Variants in RNF128 observed in about 807,000 individuals in gnomAD.
RNF128 encodes E3 ubiquitin-protein ligase RNF128.
RNF128 carries 13 observed loss-of-function variants against 26.2 expected under a neutral mutation model. The ratio of observed to expected loss-of-function variants is 0.50; its 90% CI spans 0.32 to 0.79. The LOEUF is 0.79. RNF128 is among the 30% of genes least tolerant of loss of function. The probability of loss-of-function intolerance (pLI) is 0.03; values close to 1 mark genes in which losing one functional copy is unlikely to be tolerated. For synonymous variants in RNF128, 149 were observed against 142.5 expected (o/e 1.05, Z -0.32); for missense variants, 315 against 349.7 (o/e 0.90, Z 0.79).
chrX:106,750,892 G>T (rs983334573), intron 1 of RNF128, among the ~76,000 whole-genome samples: 1 of 111,827 alleles, frequency 8.9e-6, no homozygotes, highest in African/African-American at 3.2e-5. Context: ...TTTATGACAA[G>T]AGTGAAAAAT....
intron 1 of RNF128, among the ~76,000 whole-genome samples, chrX:106,741,151 C>A (rs886452865): frequency 1.3e-4 from 14 of 111,931 alleles, no homozygotes; most frequent in Non-Finnish European, 1.3e-4. Context: ...CCCTATTTAT[C>A]AATATAATAA....
chrX:106,777,596 G>A (rs1196754183), intron 2 of RNF128, among the ~76,000 whole-genome samples: 1 of 111,956 alleles, frequency 8.9e-6, no homozygotes, highest in Admixed American at 9.5e-5. Context: ...AGGCAGCAAG[G>A]CCAATATATC....
chrX:106,779,820 T>A (rs1472902983), intron 2 of RNF128, among the ~76,000 whole-genome samples: 1 of 111,145 alleles, frequency 9.0e-6, no homozygotes, highest in Non-Finnish European at 1.9e-5. Flanking sequence ...GTAGGAATAT[T>A]TTCACTCAAA....
intron 2 of RNF128, among the ~76,000 whole-genome samples, chrX:106,780,074 C>A (rs1242286728): frequency 1.8e-5 from 2 of 111,029 alleles, no homozygotes; most frequent in Non-Finnish European, 3.8e-5. Flanking sequence ...TATCTCTCTC[C>A]TTTCTTGCTT....
In RNF128 at chrX:106,796,953, T is replaced by G. The variant is rs928339184; in HGVS notation, c.*1240T>G. ...TAAATATGTCCCAATTTGTATTGAT[T>G]CTCTTTAAATATAAAATGTAAATAA... On this transcript the variant is annotated 3_prime_UTR_variant, in exon 7 of 7. Transcript: ENST00000255499. 1 of 112,464 alleles carries G rather than the reference T, an allele frequency of 8.9e-6. No homozygotes were observed. The highest frequency in any genetic ancestry group is 3.2e-5 in the African/African-American group (1 of 30,887). 9.3% of individuals were successfully genotyped at this position (112,464 alleles called of 1,213,427 possible).
At chrX:106,758,867 A>G (rs1356678186) in intron 1 of RNF128, among the ~76,000 whole-genome samples, 1 of 111,513 alleles carries the variant, frequency 9.0e-6, no homozygotes, top group Non-Finnish European at 1.9e-5. Flanking sequence ...AGGACATTGG[A>G]CTGAGCACAG....
Position 106,726,767 on chromosome X carries a change from T to A in RNF128, c.-147T>A. ...CGGCAACCTGTGTGCTGACGCTACGTGCCTCCTGGCTCCGACGTAGCTCGC... is the reference window on the plus strand; with the variant it reads ...CGGCAACCTGTGTGCTGACGCTACGAGCCTCCTGGCTCCGACGTAGCTCGC... On this transcript the variant is annotated 5_prime_UTR_variant, in exon 1 of 7. Transcript: ENST00000255499. 13 of 1,066,899 alleles carry A rather than the reference T, an allele frequency of 1.2e-5. No homozygotes were observed. The highest frequency in any genetic ancestry group is 1.6e-5 in the Non-Finnish European group (13 of 831,725). The allele number at this position is 1,066,899 out of a possible 1,213,427, so 87.9% of individuals were successfully genotyped here.
chrX:106,736,495 G>T (rs191377417), intron 1 of RNF128, among the ~76,000 whole-genome samples: 7 of 111,153 alleles, frequency 6.3e-5, no homozygotes, highest in African/African-American at 2.3e-4. Context: ...AAAATTTTGT[G>T]CTTCCTTCTA....
chrX:106,746,295 A>C (rs952680789), intron 1 of RNF128, among the ~76,000 whole-genome samples: 32 of 111,015 alleles, frequency 2.9e-4, no homozygotes, highest in Middle Eastern at 4.6e-3. Flanking sequence ...TGTATTTTGT[A>C]TTTCAATGCC....
At chrX:106,744,351 A>T (rs1036846404) in intron 1 of RNF128, among the ~76,000 whole-genome samples, 2 of 112,008 alleles carry the variant, frequency 1.8e-5, no homozygotes, top group Non-Finnish European at 3.8e-5. Flanking sequence ...ATTACATCTG[A>T]TATTACAGGT....
intron 2 of RNF128, among the ~76,000 whole-genome samples, chrX:106,783,423 T>C (rs367708254): frequency 2.7e-5 from 3 of 111,467 alleles, no homozygotes; most frequent in African/African-American, 9.8e-5. Context: ...ATTGAGTATC[T>C]GCTATATGCC....
intron 2 of RNF128, among the ~76,000 whole-genome samples, chrX:106,775,465 A>G (rs1930449807): frequency 8.9e-6 from 1 of 112,029 alleles, no homozygotes. Flanking sequence ...TTCATAGTTT[A>G]TAATACATCT....
chrX:106,698,209 T>C (rs778038667), intron 1 of RNF128, among the ~76,000 whole-genome samples: 11 of 107,809 alleles, frequency 1.0e-4, no homozygotes, highest in African/African-American at 1.3e-4. Context: ...AAGTTAAATA[T>C]GTTATTTTTA....
intron 1 of RNF128, among the ~76,000 whole-genome samples, chrX:106,758,013 A>G (rs1732459861): frequency 8.9e-6 from 1 of 112,495 alleles, no homozygotes; most frequent in Non-Finnish European, 1.9e-5. Flanking sequence ...GTTTGCAGAT[A>G]ATATGATCTT....
At chrX:106,775,213 T>C (rs1930446213) in intron 2 of RNF128, among the ~76,000 whole-genome samples, 2 of 112,029 alleles carry the variant, frequency 1.8e-5, no homozygotes, top group South Asian at 3.7e-4. Flanking sequence ...GTTTTTTATC[T>C]GCGAGGCTGG....
At chrX:106,789,414 C>T (rs1930770162) in intron 4 of RNF128, among the ~76,000 whole-genome samples, 1 of 94,324 alleles carries the variant, frequency 1.1e-5, no homozygotes, top group South Asian at 4.4e-4. Flanking sequence ...AATATATATA[C>T]TCTACATAAT....
chrX:106,711,154 A>G (rs757109011), intron 1 of RNF128, among the ~76,000 whole-genome samples: 3 of 112,230 alleles, frequency 2.7e-5, no homozygotes, highest in Non-Finnish European at 5.6e-5. Context: ...AGATGTGCTT[A>G]TTTATAGGAG....
Position 106,763,927 on chromosome X carries a change from TTTTGGTTTGGTTTGG to T in RNF128, c.485-8962_485-8948del, listed in dbSNP as rs749984429. ...TGTACATTTCTTGCCTATCCTTGTT[TTTTGGTTTGGTTTGG>T]TTTGGTTTGGTTTGGTTTGGTTTTT... On this transcript the variant is annotated intron_variant, in intron 1 of 6. Coordinates refer to ENST00000255499, the MANE Select transcript of RNF128 (RefSeq NM_194463.2). 2.8e-5 allele frequency among the ~76,000 whole-genome samples: 3 copies of T among 105,745 alleles called. No individual in the cohort carries two copies. The East Asian group carries it at 9.0e-4, about 32-fold the overall frequency. The allele number at this position is 105,745 out of a possible 115,157, so 91.8% of individuals were successfully genotyped here. A position where few individuals can be genotyped will look rare whatever the true frequency, so the allele number is the denominator to read the frequency against.
chrX:106,780,803 T>G (rs752929172), intron 2 of RNF128, among the ~76,000 whole-genome samples: 1 of 112,393 alleles, frequency 8.9e-6, no homozygotes, highest in Admixed American at 9.4e-5. Context: ...GAACCTGGGC[T>G]TGAATTGAAT....
Sources: gnomAD v4.1 joint callset for allele counts (sites outside exome capture counted in the v4.1 genomes callset) on GRCh38, gnomAD v4.1.1 for gene constraint, MANE v1.5 for transcripts, NCBI Gene and HGNC (gene_info 2026-07-23, HGNC 2026-07-21) for gene names.